The following SLC39A8 variants were observed in gnomAD, a reference collection of about 807,000 sequenced individuals.
SLC39A8 encodes the protein metal cation symporter ZIP8.
Under a neutral mutation model 40.4 loss-of-function variants are expected in SLC39A8, and 15 were observed. The observed-to-expected ratio is 0.37, with a 90% CI of 0.25 to 0.57. The LOEUF is 0.57. Among genes scored for constraint, SLC39A8 ranks in the 20% least tolerant of loss-of-function variants. SLC39A8 has a pLI of 0.75. For synonymous variants in SLC39A8, 223 were observed against 221.6 expected (o/e 1.01, Z -0.06); for missense variants, 472 against 558.8 (o/e 0.84, Z 1.57).
chr4:102,304,298 A>G lies in SLC39A8; in HGVS notation c.840+19T>C. On this transcript the variant is annotated intron_variant, in intron 6 of 8. Coordinates refer to ENST00000356736, the MANE Select transcript of SLC39A8 (RefSeq NM_001135146.2). Reference sequence around the variant, plus strand: ...TAAAGAATGCAGTATAATGAAGGAAAAATGGAATTAACATATACCTGTAGA... The same window carrying G: ...TAAAGAATGCAGTATAATGAAGGAAGAATGGAATTAACATATACCTGTAGA... The G allele has an allele frequency of 1.9e-6, 3 of 1,594,866 alleles. No individual in the cohort carries two copies. Among genetic ancestry groups the G allele is most frequent in the Non-Finnish European group, 2.6e-6 (3 of 1,165,250 alleles).
chr4:102,285,830 A>G (rs1733157705), intron 6 of SLC39A8, among the ~76,000 whole-genome samples: 3 of 152,134 alleles, frequency 2.0e-5, no homozygotes, highest in Admixed American at 6.6e-5. Flanking sequence ...TAAAATGTAG[A>G]GTAAATTCTG....
At chr4:102,335,656 T>C (rs1025014850) in intron 2 of SLC39A8, among the ~76,000 whole-genome samples, 1 of 152,220 alleles carries the variant, frequency 6.6e-6, no homozygotes, top group African/African-American at 2.4e-5. Context: ...TCAGAAGTCC[T>C]CTGGAAGGGA....
chr4:102,325,716 A>G (rs1483709863), intron 2 of SLC39A8, among the ~76,000 whole-genome samples: 1 of 152,180 alleles, frequency 6.6e-6, no homozygotes, highest in Non-Finnish European at 1.5e-5. Flanking sequence ...AAAGTTTTTA[A>G]CAATGTACTT....
At chr4:102,301,723 G>C (rs1733935817) in intron 6 of SLC39A8, among the ~76,000 whole-genome samples, 1 of 151,988 alleles carries the variant, frequency 6.6e-6, no homozygotes, top group African/African-American at 2.4e-5. Context: ...CTTTGTCATG[G>C]TGCTTAGATT....
At chr4:102,329,016 A>G (rs1194704538) in intron 2 of SLC39A8, among the ~76,000 whole-genome samples, 3 of 148,242 alleles carry the variant, frequency 2.0e-5, no homozygotes, top group Non-Finnish European at 4.5e-5. Flanking sequence ...TGACAGAGAG[A>G]GACTGAATCT....
intron 6 of SLC39A8, among the ~76,000 whole-genome samples, chr4:102,287,546 T>C (rs233814): frequency 0.78 from 118,770 of 151,930 alleles, 46,949 homozygotes; most frequent in African/African-American, 0.88. Context: ...CGCCACTCCA[T>C]TTGCATCACG....
chr4:102,292,129 T>C (rs1471611627), intron 6 of SLC39A8, among the ~76,000 whole-genome samples: 1 of 152,000 alleles, frequency 6.6e-6, no homozygotes, highest in Non-Finnish European at 1.5e-5. Flanking sequence ...TTACACAGCA[T>C]AGTGACCATA....
downstream of SLC39A8, among the ~76,000 whole-genome samples, chr4:102,260,513 G>A (rs1438037100): frequency 6.6e-6 from 1 of 152,072 alleles, no homozygotes; most frequent in Non-Finnish European, 1.5e-5. Flanking sequence ...AGACCTTAAG[G>A]CTGAATCTGT....
intron 2 of SLC39A8, among the ~76,000 whole-genome samples, chr4:102,318,656 A>G (rs923540773): frequency 6.6e-6 from 1 of 152,170 alleles, no homozygotes; most frequent in Non-Finnish European, 1.5e-5. Context: ...CGGTTATACC[A>G]TGGACAAGGA....
At chr4:102,332,979 A>T (rs1735526510) in intron 2 of SLC39A8, among the ~76,000 whole-genome samples, 1 of 152,136 alleles carries the variant, frequency 6.6e-6, no homozygotes, top group Non-Finnish European at 1.5e-5. Flanking sequence ...GAACACATGG[A>T]CACAGGGAGG....
chr4:102,296,417 A>G (rs1733680052), intron 6 of SLC39A8, among the ~76,000 whole-genome samples: 1 of 152,114 alleles, frequency 6.6e-6, no homozygotes, highest in Non-Finnish European at 1.5e-5. Context: ...ATGCGACTTG[A>G]TGACTATGAT....
At chr4:102,332,048 A>T (rs1288118002) in intron 2 of SLC39A8, among the ~76,000 whole-genome samples, 1 of 152,236 alleles carries the variant, frequency 6.6e-6, no homozygotes, top group African/African-American at 2.4e-5. Context: ...CATAAGACCT[A>T]AAACCATAAA....
intron 11 of SLC39A8, among the ~76,000 whole-genome samples, chr4:102,254,981 G>GA (rs1305365195): frequency 2.6e-5 from 4 of 151,962 alleles, no homozygotes; most frequent in African/African-American, 7.2e-5. Flanking sequence ...TGTGCTAAGT[G>GA]AAAAAAAGTA....
At chr4:102,344,235 T>C (rs1736060249) in intron 2 of SLC39A8, among the ~76,000 whole-genome samples, 2 of 152,142 alleles carry the variant, frequency 1.3e-5, no homozygotes, top group Admixed American at 1.3e-4. Flanking sequence ...AACTGCAGTT[T>C]CCGGCTGCCA....
At chr4:102,276,509 CA>C (rs1331698146) in intron 6 of SLC39A8, among the ~76,000 whole-genome samples, 1 of 151,774 alleles carries the variant, frequency 6.6e-6, no homozygotes, top group Non-Finnish European at 1.5e-5. Context: ...TCTTAACAAC[CA>C]AAAAAAGCCC....
intron 6 of SLC39A8, among the ~76,000 whole-genome samples, chr4:102,285,893 A>C (rs189744284): frequency 6.6e-6 from 1 of 152,126 alleles, no homozygotes; most frequent in South Asian, 2.1e-4. Flanking sequence ...ACAATAAAAC[A>C]CCTTATGGTT....
chr4:102,343,922 C>A (rs1417487402), intron 2 of SLC39A8, among the ~76,000 whole-genome samples: 1 of 152,114 alleles, frequency 6.6e-6, no homozygotes, highest in South Asian at 2.1e-4. Flanking sequence ...GTCTCAAGGC[C>A]GCCCCTGTTT....
At chr4:102,283,113 G>C (rs1043637810) in intron 6 of SLC39A8, among the ~76,000 whole-genome samples, 3 of 152,192 alleles carry the variant, frequency 2.0e-5, no homozygotes, top group Non-Finnish European at 4.4e-5. Context: ...TGGAAAGGGA[G>C]GGCATAAAAG....
At chr4:102,289,129 A>G (rs1301422617) in intron 6 of SLC39A8, among the ~76,000 whole-genome samples, 1 of 152,128 alleles carries the variant, frequency 6.6e-6, no homozygotes, top group Non-Finnish European at 1.5e-5. Context: ...GTTGAGACCA[A>G]TGATCATTTA....
Sources: allele counts gnomAD v4.1 joint callset (sites outside exome capture counted in the v4.1 genomes callset), GRCh38; gene constraint gnomAD v4.1.1; transcripts MANE v1.5; gene names NCBI Gene and HGNC (gene_info 2026-07-23, HGNC 2026-07-21).